HERC1: variants seen among roughly 807,000 people sequenced by gnomAD.
HERC1 encodes probable E3 ubiquitin-protein ligase HERC1.
HERC1 carries 160 observed loss-of-function variants against 554.3 expected under a neutral mutation model. The ratio of observed to expected loss-of-function variants is 0.29; its 90% confidence interval spans 0.25 to 0.33. The LOEUF is 0.33. HERC1 is among the 10% of genes least tolerant of loss of function. HERC1 has a pLI of 1.00. For synonymous variants in HERC1, 2,175 were observed against 2,131.7 expected (o/e 1.02, Z -0.56); for missense variants, 4,919 against 5,918.5 (o/e 0.83, Z 5.54).
chr15:63,674,314 CAAA>C (rs111577041), intron 38 of HERC1, 25 bp downstream of exon 38: 108 of 1,355,298 alleles, frequency 8.0e-5, no homozygotes, highest in South Asian at 2.0e-4. Flanking sequence ...AGCACAAAAG[CAAA>C]AAAAAAAAAA....
intron 70 of HERC1, among the ~76,000 whole-genome samples, chr15:63,626,607 T>C (rs972541592): frequency 2.6e-5 from 4 of 152,196 alleles, no homozygotes; most frequent in African/African-American, 7.2e-5. Context: ...AGGGATCTGA[T>C]AGCAAGTATT....
intron 41 of HERC1, 36 bp from the exon 42 acceptor site, chr15:63,666,186 G>A: frequency 3.9e-6 from 6 of 1,545,244 alleles, no homozygotes; most frequent in Non-Finnish European, 4.4e-6. Flanking sequence ...GCTGACTTTG[G>A]GCAAAGAATT....
chr15:63,615,335 G>A (rs559543823), intron 76 of HERC1, among the ~76,000 whole-genome samples: 2 of 152,326 alleles, frequency 1.3e-5, no homozygotes, highest in South Asian at 4.1e-4. Flanking sequence ...ATCACCAAGT[G>A]CGGTGGCTCA....
intron 1 of HERC1, among the ~76,000 whole-genome samples, chr15:63,829,992 A>C (rs2146131778): frequency 6.6e-6 from 1 of 152,294 alleles, no homozygotes; most frequent in East Asian, 1.9e-4. Flanking sequence ...TCTCTCCCTT[A>C]AAGAATTCCA....
intron 26 of HERC1, 126 bp from the exon 27 acceptor site, chr15:63,696,465 A>C (rs2072420599): frequency 1.6e-6 from 1 of 636,794 alleles, no homozygotes; most frequent in Non-Finnish European, 2.7e-6. Flanking sequence ...ATTCTAAGAT[A>C]AACATTTATT....
In HERC1 at chr15:63,652,430, A is replaced by G; in HGVS notation, c.10402T>C (p.Cys3468Arg). ...AGCACTCACAATCTGTTGAACACACAGGTCTGTTGCAGTGAATATTGCTTC... is the reference window on the plus strand; with the variant it reads ...AGCACTCACAATCTGTTGAACACACGGGTCTGTTGCAGTGAATATTGCTTC... ...TKKQYSLQQT[C>R]VFNRLEGDAE... The change falls in exon 52 of 78, where the codon TGT becomes CGT. Residue 3468 changes from cysteine to arginine, a missense_variant. Cys to Arg is a radical substitution (Grantham distance 180, BLOSUM62 -3). Transcript: ENST00000443617. 3.1e-6 allele frequency: 5 copies of G among 1,612,696 alleles called. No homozygotes were observed. The highest frequency in any genetic ancestry group is 4.2e-6 in the Non-Finnish European group (5 of 1,179,084).
At position 63,775,722 on chromosome 15, in the gene HERC1, CATTACA is replaced by C; in HGVS notation, c.-26-79_-26-74del. On this transcript the variant is annotated intron_variant, in intron 1 of 77. Transcript: ENST00000443617. The surrounding 1 kb of genome is among the most constrained non-coding windows in gnomAD (Gnocchi z 4.0). ...AAAATGTTTCCAAAATTTCATCTTA[CATTACA>C]ATTAATGATTTCAAACTGGTGAAAT... 1 of 1,011,664 alleles carries C rather than the reference CATTACA, an allele frequency of 9.9e-7. No individual in the cohort carries two copies. The highest frequency in any genetic ancestry group is 2.4e-5 in the East Asian group (1 of 41,280). 62.7% of individuals were successfully genotyped at this position (1,011,664 alleles called of 1,614,324 possible). A position where few individuals can be genotyped will look rare whatever the true frequency, so the allele number is the denominator to read the frequency against.
At chr15:63,667,423 A>T (rs2070698327) in intron 40 of HERC1, among the ~76,000 whole-genome samples, 1 of 152,234 alleles carries the variant, frequency 6.6e-6, no homozygotes, top group South Asian at 2.1e-4. Context: ...AGATTAAAAA[A>T]AAACAAATCA....
chr15:63,746,806 G>A lies in HERC1; in HGVS notation c.2520+112C>T, dbSNP rs74321359. The A allele has an allele frequency of 0.066, 62,777 of 955,206 alleles. 2,404 individuals carry two copies. Among genetic ancestry groups the A allele is most frequent in the Non-Finnish European group, 0.076 (49,219 of 649,102 alleles). 59.2% of individuals were successfully genotyped at this position (955,206 alleles called of 1,614,324 possible). A position where few individuals can be genotyped will look rare whatever the true frequency, so the allele number is the denominator to read the frequency against. ...CTCTCACCAAGAAAACAGGAGTAAGGGAAACAACATCCAATTGAAATTGTC... is the reference window on the plus strand; with the variant it reads ...CTCTCACCAAGAAAACAGGAGTAAGAGAAACAACATCCAATTGAAATTGTC... On this transcript the variant is annotated intron_variant, in intron 12 of 77. Transcript: ENST00000443617.
intron 77 of HERC1, among the ~76,000 whole-genome samples, chr15:63,610,066 T>C (rs1295555404): frequency 6.6e-6 from 1 of 152,138 alleles, no homozygotes; most frequent in Non-Finnish European, 1.5e-5. Context: ...CATAACTATT[T>C]TCTAAACAAT....
intron 7 of HERC1, 99 bp from the exon 8 acceptor site, chr15:63,753,184 C>T (rs1487799478): frequency 1.3e-6 from 1 of 773,586 alleles, no homozygotes; most frequent in East Asian, 3.1e-5. Flanking sequence ...GTTTCCATCA[C>T]TAACCTGGCA....
chr15:63,670,464 G>T (rs1309389299), intron 39 of HERC1, among the ~76,000 whole-genome samples: 1 of 152,142 alleles, frequency 6.6e-6, no homozygotes, highest in African/African-American at 2.4e-5. Context: ...TAATACAATG[G>T]TATACACACA....
At chr15:63,827,536 G>T (rs752278060) in intron 1 of HERC1, among the ~76,000 whole-genome samples, 6 of 151,988 alleles carry the variant, frequency 3.9e-5, no homozygotes, top group Non-Finnish European at 7.4e-5. Context: ...AAAGAGTATA[G>T]TATACTCTCC....
intron 24 of HERC1, among the ~76,000 whole-genome samples, chr15:63,709,679 A>C (rs1275682819): frequency 5.3e-5 from 8 of 152,202 alleles, no homozygotes; most frequent in Non-Finnish European, 8.8e-5. Flanking sequence ...CCTCCTTTCT[A>C]TATTTTCATT....
intron 34 of HERC1, 72 bp downstream of exon 34, chr15:63,686,287 A>G (rs1484541416): frequency 8.8e-7 from 1 of 1,133,650 alleles, no homozygotes; most frequent in Non-Finnish European, 1.3e-6. Flanking sequence ...CTTTCTACAC[A>G]TTTATTATAA....
intron 70 of HERC1, among the ~76,000 whole-genome samples, chr15:63,628,048 T>C (rs947120564): frequency 1.3e-5 from 2 of 152,218 alleles, no homozygotes; most frequent in African/African-American, 4.8e-5. Flanking sequence ...TTAATCTTTA[T>C]TTCTAACAGT....
intron 26 of HERC1, among the ~76,000 whole-genome samples, chr15:63,697,200 T>C (rs958038742): frequency 2.0e-5 from 3 of 152,196 alleles, no homozygotes; most frequent in Non-Finnish European, 2.9e-5. Flanking sequence ...TAATCCTAGA[T>C]ACCACATTGC....
At chr15:63,636,272 A>AG in intron 64 of HERC1, 130 bp from the exon 65 acceptor site, 18 of 608,570 alleles carry the variant, frequency 3.0e-5, no homozygotes, top group Middle Eastern at 9.9e-4. Context: ...TAATTTCATT[A>AG]GTTTTTTTTT....
chr15:63,695,250 G>A (rs1158573597), intron 27 of HERC1, among the ~76,000 whole-genome samples: 2 of 146,330 alleles, frequency 1.4e-5, no homozygotes, highest in Non-Finnish European at 3.0e-5. Context: ...TTGTCCAGGC[G>A]GGTTTTAAAC....
Sources: allele counts gnomAD v4.1 joint callset (sites outside exome capture counted in the v4.1 genomes callset), GRCh38; gene constraint gnomAD v4.1.1; non-coding constraint Gnocchi (gnomAD v3.1); transcripts MANE v1.5; gene names NCBI Gene and HGNC (gene_info 2026-07-23, HGNC 2026-07-21).